Variants in ARID5B observed in about 807,000 individuals in gnomAD.
The protein encoded by ARID5B is AT-rich interactive domain-containing protein 5B.
ARID5B carries 13 observed loss-of-function variants against 97.2 expected under a neutral mutation model. The ratio of observed to expected loss-of-function variants is 0.13; its 90% CI spans 0.09 to 0.21. The LOEUF is 0.21. Ranked by LOEUF, ARID5B falls within the 10% of genes least tolerant of loss-of-function variation. The pLI, the probability that ARID5B is intolerant of heterozygous loss-of-function variation, is 1.00. For synonymous variants in ARID5B, 556 were observed against 570.3 expected, an observed-to-expected ratio of 0.97 and a Z score of 0.36; for missense variants, 1,210 against 1,465.3, an observed-to-expected ratio of 0.83 and a Z score of 2.84.
At chr10:62,045,538 C>T (rs1421626576) in intron 4 of ARID5B, among the ~76,000 whole-genome samples, 1 of 151,830 alleles carries the variant, frequency 6.6e-6, no homozygotes, top group African/African-American at 2.4e-5. Flanking sequence ...ACAACCACCG[C>T]CTCCCGGGTT....
intron 3 of ARID5B, among the ~76,000 whole-genome samples, chr10:61,979,395 G>A (rs1838745851): frequency 6.6e-6 from 1 of 152,140 alleles, no homozygotes; most frequent in South Asian, 2.1e-4. Flanking sequence ...TGTTCCTGGT[G>A]AGCCATGTAG....
intron 3 of ARID5B, among the ~76,000 whole-genome samples, chr10:61,970,018 A>G (rs533375751): frequency 1.3e-5 from 2 of 152,328 alleles, no homozygotes; most frequent in African/African-American, 4.8e-5. Flanking sequence ...AATAAAGAAA[A>G]ATAGTTAGCC....
At chr10:61,924,987 T>A (rs1844078324) in intron 2 of ARID5B, among the ~76,000 whole-genome samples, 1 of 151,982 alleles carries the variant, frequency 6.6e-6, no homozygotes, top group African/African-American at 2.4e-5. Context: ...GTGGATCACT[T>A]AAAGGTCAGG....
chr10:62,061,463 GT>G (rs546809480), intron 7 of ARID5B, among the ~76,000 whole-genome samples: 2 of 152,222 alleles, frequency 1.3e-5, no homozygotes, highest in Non-Finnish European at 2.9e-5. Flanking sequence ...CTGAAGGGAA[GT>G]TTCTAGAGAG....
chr10:61,959,986 A>T, intron 3 of ARID5B, among the ~76,000 whole-genome samples: 1 of 152,154 alleles, frequency 6.6e-6, no homozygotes, highest in Non-Finnish European at 1.5e-5. Flanking sequence ...ACTCCTTGTT[A>T]AGGACTGCTG....
chr10:62,025,961 C>T (rs191122918), intron 4 of ARID5B, among the ~76,000 whole-genome samples: 1 of 152,284 alleles, frequency 6.6e-6, no homozygotes, highest in East Asian at 1.9e-4. Context: ...CACCAAAGAC[C>T]TTGCAAATTC....
intron 3 of ARID5B, among the ~76,000 whole-genome samples, chr10:61,997,344 T>C (rs1435937638): frequency 6.6e-6 from 1 of 151,136 alleles, no homozygotes; most frequent in Non-Finnish European, 1.5e-5. Flanking sequence ...GAACAGAGAA[T>C]TGGGAAGCAG....
Position 62,041,044 on chromosome 10 carries a change from T to C in ARID5B, c.734-9844T>C, listed in dbSNP as rs150902759. Among the ~76,000 whole-genome samples the C allele has an allele frequency of 3.2e-3, 488 of 152,298 alleles. 2 individuals carry two copies. The highest frequency in any genetic ancestry group is 0.011 in the African/African-American group (467 of 41,564). On this transcript the variant is annotated intron_variant, in intron 4 of 9. Transcript: ENST00000279873. ...CCTCCCTCCAATTGAGTGATCACTC[T>C]AGCTTGCCCCACGGCTTATAATCTG...
At chr10:61,997,909 TC>T (rs1282648664) in intron 3 of ARID5B, among the ~76,000 whole-genome samples, 2 of 152,230 alleles carry the variant, frequency 1.3e-5, no homozygotes, top group Non-Finnish European at 2.9e-5. Context: ...GAACTTAGCG[TC>T]TTGGTCTGCT....
intron 2 of ARID5B, among the ~76,000 whole-genome samples, chr10:61,915,485 T>C (rs1843885042): frequency 6.6e-6 from 1 of 152,148 alleles, no homozygotes; most frequent in South Asian, 2.1e-4. Flanking sequence ...GATTGGGAAG[T>C]TTCTAGGCAA....
intron 4 of ARID5B, among the ~76,000 whole-genome samples, chr10:62,017,443 C>T (rs1839298158): frequency 6.6e-6 from 1 of 150,732 alleles, no homozygotes; most frequent in Non-Finnish European, 1.5e-5. Flanking sequence ...CAGAGCGAGA[C>T]CCCGTCTCGA....
chr10:61,955,552 G>C (rs1212441111), intron 3 of ARID5B, among the ~76,000 whole-genome samples: 1 of 152,182 alleles, frequency 6.6e-6, no homozygotes, highest in African/African-American at 2.4e-5. Flanking sequence ...AAATCTCAGG[G>C]ATGAAAGGAA....
intron 4 of ARID5B, chr10:62,024,745 A>G (rs1839398670): frequency 5.1e-6 from 2 of 395,724 alleles, no homozygotes; most frequent in Admixed American, 4.4e-5. Context: ...AAGAAAATCT[A>G]GAAAAGTTTT....
chr10:62,020,162 A>G lies in ARID5B; in HGVS notation c.733+19841A>G, dbSNP rs184966781. On this transcript the variant is annotated intron_variant, in intron 4 of 9. Transcript: ENST00000279873. ...ACTTCCAAGCAAACTTTGAATTAAT[A>G]TGTCACTCCCCTGGGTTCCAAATAC... Among the ~76,000 whole-genome samples, 7 of 152,312 alleles carry G rather than the reference A, an allele frequency of 4.6e-5. No homozygotes were observed. The East Asian group carries it at 1.3e-3, about 29-fold the overall frequency.
At chr10:62,005,885 C>A (rs1839139456) in intron 4 of ARID5B, among the ~76,000 whole-genome samples, 1 of 152,176 alleles carries the variant, frequency 6.6e-6, no homozygotes, top group African/African-American at 2.4e-5. Flanking sequence ...AAGTAGGTTT[C>A]ATGGTCACAG....
At chr10:61,907,437 T>A (rs1019252786) in intron 2 of ARID5B, among the ~76,000 whole-genome samples, 21 of 152,224 alleles carry the variant, frequency 1.4e-4, no homozygotes, top group African/African-American at 4.8e-4. Context: ...TTAACTTTTT[T>A]AAGCCTCTGT....
At chr10:62,039,937 C>T (rs1839613875) in intron 4 of ARID5B, among the ~76,000 whole-genome samples, 1 of 152,210 alleles carries the variant, frequency 6.6e-6, no homozygotes, top group Non-Finnish European at 1.5e-5. Context: ...TCCAAAAAGT[C>T]AGACCATTAA....
chr10:62,037,335 C>G (rs570156848), intron 4 of ARID5B, among the ~76,000 whole-genome samples: 1 of 152,286 alleles, frequency 6.6e-6, no homozygotes, highest in African/African-American at 2.4e-5. Context: ...AGAGTTAGGG[C>G]CCTCACATGG....
chr10:62,086,703 A>AC, intron 9 of ARID5B, among the ~76,000 whole-genome samples: 4 of 143,742 alleles, frequency 2.8e-5, no homozygotes, highest in South Asian at 2.4e-4. Context: ...AAAAAAAAAA[A>AC]AAAAAAAAAT....
Sources: gnomAD v4.1 joint callset for allele counts (sites outside exome capture counted in the v4.1 genomes callset) on GRCh38, gnomAD v4.1.1 for gene constraint, MANE v1.5 for transcripts, NCBI Gene and HGNC (gene_info 2026-07-23, HGNC 2026-07-21) for gene names.